CLMN: variants seen among roughly 807,000 people sequenced by gnomAD.
CLMN encodes calmin (calponin-like, transmembrane).
CLMN carries 57 observed loss-of-function variants against 92.7 expected under a neutral mutation model. The observed-to-expected ratio is 0.61, with a 90% CI of 0.50 to 0.77. The LOEUF (loss-of-function observed/expected upper bound fraction) is 0.77, where lower values mean the gene tolerates loss of function less well. Ranked by LOEUF, CLMN falls within the 30% of genes least tolerant of loss-of-function variation. The pLI, the probability that CLMN is intolerant of heterozygous loss-of-function variation, is 0.00. For synonymous variants in CLMN, 466 were observed against 470.6 expected, an observed-to-expected ratio of 0.99 and a Z score of 0.13; for missense variants, 1,158 against 1,237.5, an observed-to-expected ratio of 0.94 and a Z score of 0.96.
At chr14:95,276,143 T>G (rs1392772781) in intron 1 of CLMN, among the ~76,000 whole-genome samples, 2 of 152,102 alleles carry the variant, frequency 1.3e-5, no homozygotes, top group African/African-American at 4.8e-5. Flanking sequence ...TCAAAGGAAA[T>G]CAACTGCAGT....
chr14:95,239,350 A>G (rs1443509750), intron 1 of CLMN, among the ~76,000 whole-genome samples: 3 of 152,138 alleles, frequency 2.0e-5, no homozygotes, highest in African/African-American at 7.2e-5. Flanking sequence ...TGGGTAAGAA[A>G]ATGAAGAAGG....
intron 9 of CLMN, among the ~76,000 whole-genome samples, chr14:95,200,243 G>T (rs12433234): frequency 1.3e-5 from 2 of 151,718 alleles, no homozygotes; most frequent in Admixed American, 1.3e-4. Flanking sequence ...GCCTCCTTCT[G>T]TTGAACTCCT....
chr14:95,240,279 A>AC (rs1391817533), intron 1 of CLMN, among the ~76,000 whole-genome samples: 1 of 152,182 alleles, frequency 6.6e-6, no homozygotes, highest in Non-Finnish European at 1.5e-5. Flanking sequence ...ACCAAACCCT[A>AC]CTTCCTTCTC....
At position 95,185,726 on chromosome 14, in the gene CLMN, G is replaced by A. The variant is rs1286068123; in HGVS notation, c.*5838C>T. 2.0e-5 allele frequency: 3 copies of A among 152,020 alleles called. No homozygotes were observed. The highest frequency in any genetic ancestry group is 6.6e-5 in the Admixed American group (1 of 15,256). The allele number at this position is 152,020 out of a possible 1,614,324, so 9.4% of individuals were successfully genotyped here. On this transcript the variant is annotated 3_prime_UTR_variant, in exon 13 of 13. Coordinates refer to ENST00000298912, the MANE Select transcript of CLMN (RefSeq NM_024734.4). ...GCGCAAGGCTCCACAGAGGAATACCGGCGGGGAATGCAGTGGAGACCCCCA... is the reference window on the plus strand; with the variant it reads ...GCGCAAGGCTCCACAGAGGAATACCAGCGGGGAATGCAGTGGAGACCCCCA...
intron 1 of CLMN, among the ~76,000 whole-genome samples, chr14:95,245,254 A>AAT (rs1194306550): frequency 0.011 from 296 of 27,924 alleles, 11 homozygotes; most frequent in Non-Finnish European, 0.016. Context: ...ATATATATAT[A>AAT]ATATATATAT....
chr14:95,251,127 A>G (rs1381146975), intron 1 of CLMN, among the ~76,000 whole-genome samples: 1 of 152,172 alleles, frequency 6.6e-6, no homozygotes, highest in Admixed American at 6.5e-5. Flanking sequence ...TCTGCACTCA[A>G]TGATCTCATG....
intron 1 of CLMN, among the ~76,000 whole-genome samples, chr14:95,252,907 G>A (rs940230531): frequency 6.6e-6 from 1 of 152,120 alleles, no homozygotes; most frequent in African/African-American, 2.4e-5. Flanking sequence ...CTTGCCCTAC[G>A]CATCTCTTGC....
intron 1 of CLMN, among the ~76,000 whole-genome samples, chr14:95,242,361 C>T (rs1419605640): frequency 2.1e-5 from 3 of 143,074 alleles, no homozygotes; most frequent in African/African-American, 7.8e-5. Flanking sequence ...CAGGTTCAAG[C>T]GATTCTCCTG....
chr14:95,193,752 C>G, intron 12 of CLMN, 97 bp downstream of exon 12: 1 of 1,409,708 alleles, frequency 7.1e-7, no homozygotes, highest in Non-Finnish European at 9.8e-7. Context: ...CTGTTATCAA[C>G]AAAGCAGTGG....
intron 4 of CLMN, among the ~76,000 whole-genome samples, chr14:95,220,333 T>C (rs1897493969): frequency 6.6e-6 from 1 of 152,050 alleles, no homozygotes; most frequent in South Asian, 2.1e-4. Context: ...CCCACGACCG[T>C]GCCCAGCTAA....
chr14:95,200,635 G>A (rs562191427), intron 9 of CLMN, among the ~76,000 whole-genome samples: 20 of 152,170 alleles, frequency 1.3e-4, no homozygotes, highest in Non-Finnish European at 2.8e-4. Context: ...AGCCGCCCAG[G>A]CACCCCCCTT....
At chr14:95,317,947 G>T (rs944517226) in intron 1 of CLMN, among the ~76,000 whole-genome samples, 2 of 152,236 alleles carry the variant, frequency 1.3e-5, no homozygotes, top group Non-Finnish European at 2.9e-5. Flanking sequence ...TTCACTGGGA[G>T]CTGAGGGAGA....
intron 8 of CLMN, 136 bp from the exon 9 acceptor site, chr14:95,204,599 A>C: frequency 1.2e-6 from 1 of 833,886 alleles, no homozygotes; most frequent in Non-Finnish European, 1.8e-6. Flanking sequence ...AACAAACAAA[A>C]ATGGAAAAAG....
rs1219641676 is a variant in CLMN, at chr14:95,197,819, G to T, written c.2512-1125C>A. On this transcript the variant is annotated intron_variant, in intron 9 of 12. Coordinates refer to ENST00000298912, the MANE Select transcript of CLMN (RefSeq NM_024734.4). ...CAGGTGTCAGAATAAGAGCATTAGA[G>T]CGGCCAGGCCATTGTGCCCCGGGAG... 1.3e-5 allele frequency among the ~76,000 whole-genome samples: 2 copies of T among 152,034 alleles called. 1 individual carries two copies. Among genetic ancestry groups the T allele is most frequent in the Non-Finnish European group, 2.9e-5 (2 of 68,028 alleles).
At position 95,204,332 on chromosome 14, in the gene CLMN, G is replaced by A; in HGVS notation, c.1017C>T (p.Asn339=). Residue 339 remains asparagine (N), a synonymous_variant, in exon 9 of 13, where the codon AAC becomes AAT. Transcript: ENST00000298912. ...TENGERTYTV[N]HETSHPPPSK... is the part of the protein sequence containing the mutation. ...AGGGTGGTGGGTGGCTGGTTTCATGGTTAACAGTGTAGGTACGCTCCCCAT... is the reference window on the plus strand; with the variant it reads ...AGGGTGGTGGGTGGCTGGTTTCATGATTAACAGTGTAGGTACGCTCCCCAT... 6.2e-7 allele frequency: 1 copy of A among 1,614,134 alleles called. No homozygotes were observed. Among genetic ancestry groups the A allele is most frequent in the Non-Finnish European group, 8.5e-7 (1 of 1,180,020 alleles).
chr14:95,295,830 A>G (rs1385972724), intron 1 of CLMN, among the ~76,000 whole-genome samples: 1 of 152,210 alleles, frequency 6.6e-6, no homozygotes, highest in Non-Finnish European at 1.5e-5. Flanking sequence ...TGTGCACCCA[A>G]CTGTTTGCAT....
chr14:95,291,743 C>T (rs1296148336), intron 1 of CLMN, among the ~76,000 whole-genome samples: 1 of 152,068 alleles, frequency 6.6e-6, no homozygotes, highest in African/African-American at 2.4e-5. Context: ...CAAGAATGAA[C>T]GTGCAAGGAG....
rs1237659084 is a variant in CLMN at position 95,259,827 on chromosome 14, C to T, written c.83-29694G>A. ...GCATTAAAATGCATGGCCAGCTGCACCTGCGTTTCCTCTCCCCACACCCAC... is the reference window on the plus strand; with the variant it reads ...GCATTAAAATGCATGGCCAGCTGCATCTGCGTTTCCTCTCCCCACACCCAC... On this transcript the variant is annotated intron_variant, in intron 1 of 12. Transcript: ENST00000298912. The surrounding 1 kb of genome is among the most constrained non-coding windows in gnomAD (Gnocchi z 4.3). 1.3e-5 allele frequency among the ~76,000 whole-genome samples: 2 copies of T among 152,204 alleles called. No individual in the cohort carries two copies. Among genetic ancestry groups the T allele is most frequent in the South Asian group, 2.1e-4 (1 of 4,826 alleles).
At position 95,194,393 on chromosome 14, in the gene CLMN, A is replaced by G; in HGVS notation, c.2769+143T>C. On this transcript the variant is annotated intron_variant, in intron 11 of 12. Transcript: ENST00000298912. The surrounding 1 kb of genome is among the most constrained non-coding windows in gnomAD (Gnocchi z 4.0). ...TCCGATCGGACTGTGCTTAATGATA[A>G]GGTTCCAATCTGCTTGTCTTCTATC... 2.7e-6 allele frequency: 4 copies of G among 1,508,356 alleles called. No individual in the cohort carries two copies. Among genetic ancestry groups the G allele is most frequent in the Non-Finnish European group, 3.6e-6 (4 of 1,126,730 alleles). 93.4% of individuals were successfully genotyped at this position (1,508,356 alleles called of 1,614,324 possible).
Sources: allele counts gnomAD v4.1 joint callset (sites outside exome capture counted in the v4.1 genomes callset), GRCh38; gene constraint gnomAD v4.1.1; non-coding constraint Gnocchi (gnomAD v3.1); transcripts MANE v1.5; gene names NCBI Gene and HGNC (gene_info 2026-07-23, HGNC 2026-07-21).